Variants in PPP2R1B observed in about 807,000 individuals in gnomAD.
PPP2R1B encodes the protein protein phosphatase 2 scaffold subunit Abeta.
Under a neutral mutation model 72.7 loss-of-function variants are expected in PPP2R1B, and 58 were observed. That is an observed-to-expected ratio of 0.80 (90% CI 0.65 to 0.99). PPP2R1B has a LOEUF of 0.99. Among genes scored for constraint, PPP2R1B ranks in the 50% least tolerant of loss-of-function variants. The probability of loss-of-function intolerance (pLI) is 0.00; values close to 1 mark genes in which losing one functional copy is unlikely to be tolerated. For synonymous variants in PPP2R1B, 256 were observed against 264.6 expected (o/e 0.97, Z 0.32); for missense variants, 695 against 733.6 (o/e 0.95, Z 0.61).
chr11:111,749,213 G>A (rs1944813088), intron 10 of PPP2R1B, among the ~76,000 whole-genome samples: 1 of 152,136 alleles, frequency 6.6e-6, no homozygotes, highest in African/African-American at 2.4e-5. Context: ...CGTCAGCCAA[G>A]ATTTCTTTTT....
At position 111,740,670 on chromosome 11, in the gene PPP2R1B, C is replaced by G. The variant is rs766188903; in HGVS notation, c.*926G>C. On this transcript the variant is annotated 3_prime_UTR_variant, in exon 15 of 15. Transcript: ENST00000527614. ...CCATACTAAAAACTTAGCAATAAAA[C>G]TGCAGTTTGAAAAGCTACTGTACAA... The G allele has an allele frequency of 1.5e-5, 15 of 985,332 alleles. No homozygotes were observed. The highest frequency in any genetic ancestry group is 1.7e-5 in the Non-Finnish European group (14 of 829,856). The allele number at this position is 985,332 out of a possible 1,614,324, so 61.0% of individuals were successfully genotyped here.
rs759984147 is a variant in PPP2R1B, at chr11:111,727,039, G to A, written c.1930C>T (p.Arg644Cys). The change falls in exon 16 of 16, where the codon CGT becomes TGT. Residue 644 changes from arginine to cysteine, a missense_variant. Physicochemically the swap from Arg to Cys is radical, Grantham distance 180. Coordinates refer to the PPP2R1B transcript ENST00000311129. The stretch of plus-strand genomic sequence containing the variant: ...GCAAGTGTGTCTCTAGTATCTCCAC[G>A]CAACTGATACACTGGTCCCTGTAAG... 1.2e-5 allele frequency: 19 copies of A among 1,613,836 alleles called. No individual in the cohort carries two copies. Among genetic ancestry groups the A allele is most frequent in the South Asian group, 5.5e-5 (5 of 91,048 alleles).
the PPP2R1B span, among the ~76,000 whole-genome samples, chr11:111,692,874 T>C: frequency 6.6e-6 from 1 of 152,218 alleles, no homozygotes; most frequent in Admixed American, 6.5e-5. Flanking sequence ...ATAAATGAAC[T>C]GCTTTAGCCA....
chr11:111,741,240 G>A lies in PPP2R1B; in HGVS notation c.*356C>T, dbSNP rs969097638. ...CGTCAAGAGAATCACTCCACTCCACGTCTGGGTCCACACCCTTCCAGGCTT... is the reference window on the plus strand; with the variant it reads ...CGTCAAGAGAATCACTCCACTCCACATCTGGGTCCACACCCTTCCAGGCTT... On this transcript the variant is annotated 3_prime_UTR_variant, in exon 15 of 15. Transcript: ENST00000527614. The A allele has an allele frequency of 1.3e-5, 14 of 1,060,582 alleles. No individual in the cohort carries two copies. The Admixed American group carries it at 3.5e-4, about 26-fold the overall frequency. 65.7% of individuals were successfully genotyped at this position (1,060,582 alleles called of 1,614,324 possible).
Position 111,739,396 on chromosome 11 carries a change from G to A in PPP2R1B, c.*2200C>T, listed in dbSNP as rs555779632. 86 of 984,902 alleles carry A rather than the reference G, an allele frequency of 8.7e-5. 1 individual carries two copies. In the South Asian group the frequency reaches 2.5e-3, roughly 29 times the overall value. 61.0% of individuals were successfully genotyped at this position (984,902 alleles called of 1,614,324 possible). On this transcript the variant is annotated 3_prime_UTR_variant, in exon 15 of 15. Coordinates refer to ENST00000527614, the MANE Select transcript of PPP2R1B (RefSeq NM_002716.5). ...TTCATGGAGAACATGGCCAAGTTAT[G>A]AGCCAAAGCACAATTCCTCTGAAGA...
intron 8 of PPP2R1B, 45 bp from the exon 9 acceptor site, chr11:111,753,622 A>G: frequency 1.3e-6 from 2 of 1,553,680 alleles, no homozygotes; most frequent in Non-Finnish European, 1.8e-6. Context: ...AAGACAACAG[A>G]AACTTCCATA....
At position 111,741,350 on chromosome 11, in the gene PPP2R1B, A is replaced by C. The variant is rs1226294133; in HGVS notation, c.*246T>G. The C allele has an allele frequency of 4.5e-5, 60 of 1,337,566 alleles. No homozygotes were observed. The highest frequency in any genetic ancestry group is 1.9e-6 in the Non-Finnish European group (2 of 1,045,394). The allele number at this position is 1,337,566 out of a possible 1,614,324, so 82.9% of individuals were successfully genotyped here. On this transcript the variant is annotated 3_prime_UTR_variant, in exon 15 of 15. Transcript: ENST00000527614. ...GGTGATGGATAAAGCATTAGGAGAC[A>C]ATCAAGTGTCAGGAATTGGTCAATA... is the stretch of plus-strand genomic sequence containing the variant.
intron 1 of PPP2R1B, among the ~76,000 whole-genome samples, chr11:111,765,646 G>A (rs1469874246): frequency 6.6e-6 from 1 of 152,208 alleles, no homozygotes; most frequent in Non-Finnish European, 1.5e-5. Flanking sequence ...ACAACACCTA[G>A]GAAGTAAGAT....
chr11:111,749,560 C>T (rs923568949), intron 10 of PPP2R1B, among the ~76,000 whole-genome samples: 2 of 152,170 alleles, frequency 1.3e-5, no homozygotes, highest in Non-Finnish European at 2.9e-5. Context: ...GCTGGGATTA[C>T]AAGCGTGAGC....
At chr11:111,733,474 A>AC (rs1944254075), downstream of PPP2R1B, among the ~76,000 whole-genome samples, 1 of 152,054 alleles carries the variant, frequency 6.6e-6, no homozygotes, top group Admixed American at 6.5e-5. Context: ...TCAAAGGGAG[A>AC]ACTGAGTCAC....
chr11:111,746,420 A>C (rs1944705626), intron 11 of PPP2R1B, among the ~76,000 whole-genome samples: 1 of 152,164 alleles, frequency 6.6e-6, no homozygotes, highest in African/African-American at 2.4e-5. Flanking sequence ...TGGGAGTTGA[A>C]CAATCAGAAC....
At chr11:111,751,638 G>C (rs554497104) in intron 10 of PPP2R1B, among the ~76,000 whole-genome samples, 1 of 152,256 alleles carries the variant, frequency 6.6e-6, no homozygotes, top group African/African-American at 2.4e-5. Flanking sequence ...GGTCCCAAGC[G>C]TATTTAGATG....
the PPP2R1B span, among the ~76,000 whole-genome samples, chr11:111,711,522 A>G: frequency 6.6e-6 from 1 of 152,248 alleles, no homozygotes; most frequent in Non-Finnish European, 1.5e-5. Context: ...AGCTTTCTAT[A>G]GTGGGTTGAC....
chr11:111,745,537 C>T (rs1944678047), intron 11 of PPP2R1B, among the ~76,000 whole-genome samples: 1 of 152,168 alleles, frequency 6.6e-6, no homozygotes, highest in Admixed American at 6.5e-5. Flanking sequence ...TGACTGTTTT[C>T]AGAAGAATGC....
the PPP2R1B span, among the ~76,000 whole-genome samples, chr11:111,707,247 G>A: frequency 3.3e-5 from 5 of 152,176 alleles, no homozygotes; most frequent in Middle Eastern, 3.2e-3. Flanking sequence ...TAAACATTAC[G>A]CAAGTGAGGG....
chr11:111,764,751 T>G, intron 3 of PPP2R1B, 54 bp downstream of exon 3: 1 of 1,552,488 alleles, frequency 6.4e-7, no homozygotes, highest in Non-Finnish European at 8.8e-7. Context: ...AAACAATGTA[T>G]CATTTATACT....
intron 12 of PPP2R1B, among the ~76,000 whole-genome samples, chr11:111,742,911 G>T (rs1253636919): frequency 1.4e-5 from 2 of 146,100 alleles, no homozygotes; most frequent in Non-Finnish European, 3.0e-5. Context: ...GCGGAGTTTT[G>T]CCTTGTCGCC....
chr11:111,723,820 A>ACCGCCACCACCCCCT (rs775144772), downstream of PPP2R1B: 1 of 1,560,922 alleles, frequency 6.4e-7, no homozygotes, highest in South Asian at 1.1e-5. Flanking sequence ...AGCAGCCGCC[A>ACCGCCACCACCCCCT]CCGCCACCAC....
chr11:111,717,317 CAAAAAAAAAA>C, the PPP2R1B span, among the ~76,000 whole-genome samples: 51 of 49,462 alleles, frequency 1.0e-3, 1 homozygote, highest in African/African-American at 2.6e-3. Context: ...GACTCCGTCT[CAAAAAAAAAA>C]AAAAAAAAAA....
Sources: gnomAD v4.1 joint callset for allele counts (sites outside exome capture counted in the v4.1 genomes callset) on GRCh38, gnomAD v4.1.1 for gene constraint, MANE v1.5 for transcripts, NCBI Gene and HGNC (gene_info 2026-07-23, HGNC 2026-07-21) for gene names.